The following PRDM11 variants were observed in gnomAD, a reference collection of about 807,000 sequenced individuals.
The protein encoded by PRDM11 is PR/SET domain 11, also known as PR domain-containing protein 11.
Under a neutral mutation model 97.8 loss-of-function variants are expected in PRDM11, and 20 were observed. The ratio of observed to expected loss-of-function variants is 0.20; its 90% CI spans 0.14 to 0.30. The LOEUF is 0.30. PRDM11 is among the 10% of genes least tolerant of loss of function. The pLI, the probability that PRDM11 is intolerant of heterozygous loss-of-function variation, is 1.00. For synonymous variants in PRDM11, 599 were observed against 637.7 expected, an observed-to-expected ratio of 0.94 and a Z score of 0.91; for missense variants, 1,139 against 1,555.2, an observed-to-expected ratio of 0.73 and a Z score of 4.50.
At position 45,233,952 on chromosome 11, in the gene PRDM11, C is replaced by T. The variant is rs768837577; in HGVS notation, c.*5793C>T. 2.0e-5 allele frequency: 3 copies of T among 152,312 alleles called. No individual in the cohort carries two copies. Among genetic ancestry groups the T allele is most frequent in the Non-Finnish European group, 4.4e-5 (3 of 68,100 alleles). The allele number at this position is 152,312 out of a possible 1,614,324, so 9.4% of individuals were successfully genotyped here. A position where few individuals can be genotyped will look rare whatever the true frequency, so the allele number is the denominator to read the frequency against. On this transcript the variant is annotated 3_prime_UTR_variant, in exon 8 of 8. Transcript: ENST00000683152. The stretch of plus-strand genomic sequence containing the variant: ...GGCCCCGTGGCCCCTACCCCACTCC[C>T]GCCGTAACAGGCAGGTTTAGTTCAC...
chr11:45,166,193 T>G (rs1852060058), intron 1 of PRDM11, among the ~76,000 whole-genome samples: 1 of 152,226 alleles, frequency 6.6e-6, no homozygotes, highest in Non-Finnish European at 1.5e-5. Flanking sequence ...GGGCTTACAC[T>G]GTCCTCAGGA....
intron 1 of PRDM11, among the ~76,000 whole-genome samples, chr11:45,179,056 A>C (rs554855376): frequency 6.6e-6 from 1 of 152,156 alleles, no homozygotes; most frequent in Non-Finnish European, 1.5e-5. Flanking sequence ...GGAGTTCCCC[A>C]GGTGTTCTGC....
intron 1 of PRDM11, among the ~76,000 whole-genome samples, chr11:45,110,323 C>T (rs1852145903): frequency 6.6e-6 from 1 of 152,148 alleles, no homozygotes; most frequent in African/African-American, 2.4e-5. Context: ...AGAGATCTGG[C>T]TTGCCCACAT....
At chr11:45,103,004 A>C (rs1297965036) in intron 1 of PRDM11, among the ~76,000 whole-genome samples, 4 of 140,972 alleles carry the variant, frequency 2.8e-5, no homozygotes, top group Non-Finnish European at 6.1e-5. Flanking sequence ...CTGTGTGGGC[A>C]GGAAGCTGAC....
In PRDM11 at chr11:45,159,616, A is replaced by G. The variant is rs185217274; in HGVS notation, c.-7+12739A>G. 1.3e-4 allele frequency among the ~76,000 whole-genome samples: 20 copies of G among 152,230 alleles called. No individual in the cohort carries two copies. The East Asian group carries it at 3.5e-3, about 26-fold the overall frequency. ...TGACCACATAGCTGTCTTGGAGGTA[A>G]TGGCCTCCTTGGCCTCTGCTTGCTG... On this transcript the variant is annotated intron_variant, in intron 1 of 7. Coordinates refer to ENST00000683152, the MANE Select transcript of PRDM11 (RefSeq NM_001384648.1).
chr11:45,182,267 G>C lies in PRDM11; in HGVS notation c.141G>C (p.Ser47=), dbSNP rs149039165. 7 of 1,613,898 alleles carry C rather than the reference G, an allele frequency of 4.3e-6. No homozygotes were observed. The South Asian group carries it at 5.5e-5, about 13-fold the overall frequency. The change falls in exon 3 of 8, where the codon TCG becomes TCC. Residue 47 remains serine (S), a synonymous_variant. Transcript: ENST00000683152. Reference sequence around the variant, plus strand: ...CCAGCTCTAGGAGACCGGACTCCTCGGCCATGGAAGTTGAGCCCAAGAAAC... The same window carrying C: ...CCAGCTCTAGGAGACCGGACTCCTCCGCCATGGAAGTTGAGCCCAAGAAAC... ...GQPCSRRPDS[S]AMEVEPKKLK...
chr11:45,123,985 T>C (rs1279931741), intron 1 of PRDM11, among the ~76,000 whole-genome samples: 2 of 147,898 alleles, frequency 1.4e-5, no homozygotes, highest in African/African-American at 5.0e-5. Flanking sequence ...GAGCATGGAA[T>C]GTTCTTCCAT....
intron 6 of PRDM11, among the ~76,000 whole-genome samples, chr11:45,223,094 T>C (rs1854163376): frequency 6.6e-6 from 1 of 152,208 alleles, no homozygotes; most frequent in Non-Finnish European, 1.5e-5. Flanking sequence ...GGTGGGCAGA[T>C]GGCTTGAGCC....
chr11:45,155,443 C>T (rs776465174), intron 1 of PRDM11, among the ~76,000 whole-genome samples: 19 of 152,158 alleles, frequency 1.2e-4, no homozygotes, highest in Non-Finnish European at 2.2e-4. Context: ...ACAGAGAGGG[C>T]GGGCTCTGGG....
At chr11:45,121,596 C>G (rs1290365646) in intron 1 of PRDM11, among the ~76,000 whole-genome samples, 2 of 152,124 alleles carry the variant, frequency 1.3e-5, no homozygotes, top group African/African-American at 4.8e-5. Context: ...GCAATTTTAT[C>G]TGGTTAATGT....
At chr11:45,103,485 A>G (rs1852013698) in intron 1 of PRDM11, among the ~76,000 whole-genome samples, 1 of 152,068 alleles carries the variant, frequency 6.6e-6, no homozygotes, top group Non-Finnish European at 1.5e-5. Flanking sequence ...CAGCTTTGTG[A>G]CTTTGAGCAG....
chr11:45,095,355 C>T (rs557501744), upstream of PRDM11, among the ~76,000 whole-genome samples: 9 of 152,302 alleles, frequency 5.9e-5, no homozygotes, highest in Admixed American at 2.0e-4. Flanking sequence ...TCAGCCTGAT[C>T]TCCCCAGGCA....
chr11:45,196,615 C>T (rs180938333), intron 4 of PRDM11, among the ~76,000 whole-genome samples: 74 of 152,326 alleles, frequency 4.9e-4, no homozygotes, highest in South Asian at 8.3e-4. Context: ...AGCTGCTTCT[C>T]TAGTTCTTCC....
At chr11:45,177,354 C>T (rs922770633) in intron 1 of PRDM11, among the ~76,000 whole-genome samples, 10 of 152,198 alleles carry the variant, frequency 6.6e-5, no homozygotes, top group Non-Finnish European at 1.3e-4. Flanking sequence ...TGAAGCCTGC[C>T]GACCCCCCTT....
intron 1 of PRDM11, among the ~76,000 whole-genome samples, chr11:45,157,502 A>T (rs922006094): frequency 6.6e-6 from 1 of 152,104 alleles, no homozygotes; most frequent in South Asian, 2.1e-4. Context: ...ATGGATCAGT[A>T]CCCATCCGTG....
chr11:45,155,393 AC>A (rs1851767894), intron 1 of PRDM11, among the ~76,000 whole-genome samples: 1 of 152,088 alleles, frequency 6.6e-6, no homozygotes, highest in Admixed American at 6.5e-5. Flanking sequence ...GCCAACTGGG[AC>A]CCAGCCAGGG....
rs956956707 is a variant in PRDM11 at position 45,182,881 on chromosome 11, T to G, written c.244T>G (p.Tyr82Asp). ...TCCAGTCTGTGAGTCCTGCCAGGAG[T>G]ACTTCGTGGATGAATGCCCAAACCA... is the stretch of plus-strand genomic sequence containing the variant. ...DFWFCESCQE[Y>D]FVDECPNHGP... Residue 82 changes from tyrosine (Y) to aspartate (D), a missense_variant, in exon 4 of 8, where the codon TAC becomes GAC. Physicochemically the swap from Tyr to Asp is radical, Grantham distance 160 (BLOSUM62 -3). Coordinates refer to ENST00000683152, the MANE Select transcript of PRDM11 (RefSeq NM_001384648.1). The G allele has an allele frequency of 6.2e-7, 1 of 1,600,202 alleles. No individual in the cohort carries two copies. Among genetic ancestry groups the G allele is most frequent in the South Asian group, 1.1e-5 (1 of 89,050 alleles).
intron 1 of PRDM11, among the ~76,000 whole-genome samples, chr11:45,161,879 G>A (rs1194939949): frequency 6.6e-6 from 1 of 152,218 alleles, no homozygotes; most frequent in African/African-American, 2.4e-5. Context: ...TGCAGACACT[G>A]AGGCTCCAGG....
chr11:45,202,044 A>G (rs1853349402), intron 4 of PRDM11, among the ~76,000 whole-genome samples: 2 of 152,210 alleles, frequency 1.3e-5, no homozygotes. Flanking sequence ...CCTGGCCTCA[A>G]GCAATTCTCT....
Sources: gnomAD v4.1 joint callset for allele counts (sites outside exome capture counted in the v4.1 genomes callset) on GRCh38, gnomAD v4.1.1 for gene constraint, MANE v1.5 for transcripts, NCBI Gene and HGNC (gene_info 2026-07-23, HGNC 2026-07-21) for gene names.